NSUN6: variants seen among roughly 807,000 people sequenced by gnomAD.
The protein encoded by NSUN6 is NOP2/Sun RNA methyltransferase 6.
A neutral mutation model predicts 58.0 loss-of-function variants in NSUN6; 64 were observed. That is an observed-to-expected ratio of 1.10 (90% CI 0.90 to 1.36). The LOEUF is 1.36. Ranked by LOEUF, NSUN6 falls within the 40% of genes most tolerant of loss-of-function variation. The pLI, the probability that NSUN6 is intolerant of heterozygous loss-of-function variation, is 0.00. For synonymous variants in NSUN6, 231 were observed against 193.9 expected (o/e 1.19, Z -1.59); for missense variants, 701 against 550.1 (o/e 1.27, Z -2.74).
At chr10:18,631,578 A>G (rs1335324016) in intron 3 of NSUN6, among the ~76,000 whole-genome samples, 2 of 132,836 alleles carry the variant, frequency 1.5e-5, no homozygotes, top group Non-Finnish European at 3.2e-5. Context: ...AAATCAATGT[A>G]CAAAAATCAC....
At chr10:18,555,303 A>T (rs62648411) in intron 8 of NSUN6, among the ~76,000 whole-genome samples, 29,959 of 149,996 alleles carry the variant, frequency 0.2, 3,220 homozygotes, top group South Asian at 0.32. Context: ...TGGAATGGAG[A>T]ATGGAATAGA....
At position 18,545,973 on chromosome 10, in the gene NSUN6, C is replaced by A. The variant is rs768034167; in HGVS notation, c.1370G>T (p.Gly457Val). Residue 457 changes from glycine to valine, a missense_variant, in exon 11 of 11, where the codon GGT becomes GTT. Gly to Val is a moderately radical substitution (Grantham distance 109). Transcript: ENST00000377304. ...MLRLANKDSI[G>V]FFIAKFVKCK... ...TTTTACAAATTTTGCAATAAAAAAA[C>A]CTATAGAGTCCTTATTAGCCAGACG... The A allele has an allele frequency of 1.1e-5, 18 of 1,583,014 alleles. No individual in the cohort carries two copies. The highest frequency in any genetic ancestry group is 1.4e-5 in the Non-Finnish European group (16 of 1,171,646).
At chr10:18,556,865 G>C (rs951263235) in intron 8 of NSUN6, among the ~76,000 whole-genome samples, 1 of 148,826 alleles carries the variant, frequency 6.7e-6, no homozygotes, top group African/African-American at 2.5e-5. Context: ...AGGAAGGAAG[G>C]GAATGGAATG....
rs1245482930 is a variant in NSUN6 at position 18,545,832 on chromosome 10, C to T, written c.*101G>A. Reference sequence around the variant, plus strand: ...CAGCCTTTTCTGTTTCCATAGCAACCACATCATCATTCAGTTGGCCTGACA... The same window carrying T: ...CAGCCTTTTCTGTTTCCATAGCAACTACATCATCATTCAGTTGGCCTGACA... On this transcript the variant is annotated 3_prime_UTR_variant, in exon 11 of 11. Coordinates refer to ENST00000377304, the MANE Select transcript of NSUN6 (RefSeq NM_182543.5). 2.8e-6 allele frequency: 2 copies of T among 725,954 alleles called. No homozygotes were observed. The highest frequency in any genetic ancestry group is 3.7e-5 in the African/African-American group (2 of 54,448). 45.0% of individuals were successfully genotyped at this position (725,954 alleles called of 1,614,324 possible).
At chr10:18,655,116 A>C (rs902728753), upstream of NSUN6, 9 of 981,484 alleles carry the variant, frequency 9.2e-6, no homozygotes, top group East Asian at 1.1e-4. Flanking sequence ...AAAATCCAGC[A>C]GTCCAACTGT....
chr10:18,644,680 C>CA lies in NSUN6; in HGVS notation c.232-2126dup, dbSNP rs1222664390. Among the ~76,000 whole-genome samples, 228 of 145,586 alleles carry CA rather than the reference C, an allele frequency of 1.6e-3. 1 individual carries two copies. The highest frequency in any genetic ancestry group is 0.011 in the Middle Eastern group (3 of 282). On this transcript the variant is annotated intron_variant, in intron 2 of 10. Transcript: ENST00000377304. The stretch of plus-strand genomic sequence containing the variant: ...TGAAACCCTGTGTCTACTAAAAATA[C>CA]AAAAAAAAAATTAGCCGGGTGTGGT...
At chr10:18,633,867 C>T (rs527454182) in intron 3 of NSUN6, among the ~76,000 whole-genome samples, 32 of 152,290 alleles carry the variant, frequency 2.1e-4, no homozygotes, top group Middle Eastern at 3.4e-3. Context: ...AATAAGAAAG[C>T]CTTCCCCGCC....
chr10:18,560,371 T>A (rs566828847), intron 8 of NSUN6, among the ~76,000 whole-genome samples: 1 of 150,108 alleles, frequency 6.7e-6, no homozygotes, highest in Non-Finnish European at 1.5e-5. Flanking sequence ...CAGGATGGAA[T>A]GGAATGGAGC....
In NSUN6 at chr10:18,548,243, G is replaced by C; in HGVS notation, c.1072-6C>G. On this transcript the variant is annotated splice_region_variant and splice_polypyrimidine_tract_variant and intron_variant, in intron 9 of 10. Coordinates refer to ENST00000377304, the MANE Select transcript of NSUN6 (RefSeq NM_182543.5). ...GGCTTCAGCAGCTGAACCGCCTAAAGAAAACTGTGATCAGACCACACACAG... is the reference window on the plus strand; with the variant it reads ...GGCTTCAGCAGCTGAACCGCCTAAACAAAACTGTGATCAGACCACACACAG... 6.2e-7 allele frequency: 1 copy of C among 1,611,410 alleles called. No individual in the cohort carries two copies. The highest frequency in any genetic ancestry group is 1.7e-5 in the Admixed American group (1 of 59,772).
At chr10:18,569,417 C>T (rs553388905) in intron 8 of NSUN6, among the ~76,000 whole-genome samples, 62 of 151,306 alleles carry the variant, frequency 4.1e-4, no homozygotes, top group Non-Finnish European at 8.0e-4. Flanking sequence ...TTCCATTGCC[C>T]ATTCCATTCT....
intron 3 of NSUN6, among the ~76,000 whole-genome samples, chr10:18,629,048 C>T (rs1464210671): frequency 1.3e-5 from 2 of 152,218 alleles, no homozygotes; most frequent in East Asian, 1.9e-4. Context: ...AGACTAACAG[C>T]AGGTCTCTTG....
intron 3 of NSUN6, among the ~76,000 whole-genome samples, chr10:18,640,924 C>T (rs2059373221): frequency 6.6e-6 from 1 of 150,634 alleles, no homozygotes; most frequent in Admixed American, 6.6e-5. Context: ...CTCTCCCAAT[C>T]TAATTTCCTC....
At chr10:18,587,758 G>A (rs765779349) in intron 7 of NSUN6, among the ~76,000 whole-genome samples, 12 of 152,128 alleles carry the variant, frequency 7.9e-5, no homozygotes, top group East Asian at 1.9e-4. Context: ...TGGGTACTAC[G>A]CTTTTCCCAT....
upstream of NSUN6, among the ~76,000 whole-genome samples, chr10:18,654,107 G>A (rs2059751371): frequency 6.6e-6 from 1 of 152,008 alleles, no homozygotes; most frequent in African/African-American, 2.4e-5. Flanking sequence ...TGATTTAGGT[G>A]ATCACTGCCC....
rs2058347221 is a variant in NSUN6 at position 18,614,616 on chromosome 10, A to G, written c.422-3T>C. The G allele has an allele frequency of 7.4e-7, 1 of 1,350,498 alleles. No homozygotes were observed. The highest frequency in any genetic ancestry group is 1.5e-5 in the African/African-American group (1 of 66,688). 83.7% of individuals were successfully genotyped at this position (1,350,498 alleles called of 1,614,324 possible). ...AATAACATCTCCAGCTTTCATAACT[A>G]GAGAAAGAAGAAAATCAGATTACAC... On this transcript the variant is annotated splice_polypyrimidine_tract_variant and splice_region_variant and intron_variant, in intron 4 of 10. Coordinates refer to ENST00000377304, the MANE Select transcript of NSUN6 (RefSeq NM_182543.5).
At chr10:18,569,983 T>C (rs1316052797) in intron 8 of NSUN6, among the ~76,000 whole-genome samples, 1 of 151,002 alleles carries the variant, frequency 6.6e-6, no homozygotes, top group Non-Finnish European at 1.5e-5. Flanking sequence ...CCCCATTCCA[T>C]TCTCAATTCC....
intron 6 of NSUN6, among the ~76,000 whole-genome samples, chr10:18,603,750 T>C (rs913113925): frequency 6.6e-6 from 1 of 152,178 alleles, no homozygotes; most frequent in African/African-American, 2.4e-5. Flanking sequence ...CTGCTGGGAT[T>C]ACAGGCGTGA....
At chr10:18,593,894 C>T (rs2057476244) in intron 7 of NSUN6, among the ~76,000 whole-genome samples, 1 of 150,040 alleles carries the variant, frequency 6.7e-6, no homozygotes, top group Admixed American at 6.6e-5. Context: ...AAAAAAAGGG[C>T]CAAAATTTTA....
In NSUN6 at chr10:18,600,959, T is replaced by TATATATATATATACATAC; in HGVS notation, c.658-4633_658-4632insGTATGTATATATATATAT. On this transcript the variant is annotated intron_variant, in intron 6 of 10. Transcript: ENST00000377304. ...AAAAAAAAATATATATATATATATA[T>TATATATATATATACATAC]ACATATATATATATATATGTATATA... Among the ~76,000 whole-genome samples the TATATATATATATACATAC allele has an allele frequency of 7.7e-5, 5 of 64,960 alleles. No individual in the cohort carries two copies. In the East Asian group the frequency reaches 2.6e-3, roughly 34 times the overall value. 42.6% of individuals were successfully genotyped at this position (64,960 alleles called of 152,430 possible).
Sources: gnomAD v4.1 joint callset for allele counts (sites outside exome capture counted in the v4.1 genomes callset) on GRCh38, gnomAD v4.1.1 for gene constraint, MANE v1.5 for transcripts, NCBI Gene and HGNC (gene_info 2026-07-23, HGNC 2026-07-21) for gene names.